SYK: variants seen among roughly 807,000 people sequenced by gnomAD.
The protein encoded by SYK is spleen associated tyrosine kinase, also known as tyrosine-protein kinase SYK.
A neutral mutation model predicts 77.8 loss-of-function variants in SYK; 16 were observed. The observed-to-expected ratio is 0.21, with a 90% CI of 0.14 to 0.31. The LOEUF (loss-of-function observed/expected upper bound fraction) is 0.31, where lower values mean the gene tolerates loss of function less well. Ranked by LOEUF, SYK falls within the 10% of genes least tolerant of loss-of-function variation. The pLI is 1.00. For missense variants in SYK, 529 were observed against 814.4 expected (o/e 0.65, Z 4.26); for synonymous variants, 312 against 308.7 (o/e 1.01, Z -0.11).
intron 1 of SYK, among the ~76,000 whole-genome samples, chr9:90,806,912 G>A (rs927640353): frequency 6.8e-6 from 1 of 146,810 alleles, no homozygotes; most frequent in Non-Finnish European, 1.5e-5. Context: ...TTGTGGAAAT[G>A]GAGATCTCAT....
intron 13 of SYK, among the ~76,000 whole-genome samples, chr9:90,890,973 C>T (rs532618946): frequency 1.3e-5 from 2 of 152,124 alleles, no homozygotes; most frequent in African/African-American, 2.4e-5. Flanking sequence ...CTTCCGGCTC[C>T]GTGTGGAAAT....
At chr9:90,801,733 C>T (rs1187117368), upstream of SYK, 1 of 152,186 alleles carries the variant, frequency 6.6e-6, no homozygotes, top group Non-Finnish European at 1.5e-5. Flanking sequence ...GGGCGCGACA[C>T]TGGGAGGAAG....
At chr9:90,865,612 C>T (rs1381961927) in intron 6 of SYK, among the ~76,000 whole-genome samples, 1 of 152,058 alleles carries the variant, frequency 6.6e-6, no homozygotes, top group East Asian at 1.9e-4. Flanking sequence ...CTCTGCCTAG[C>T]CACATTTTCT....
At position 90,874,903 on chromosome 9, in the gene SYK, A is replaced by G. The variant is rs1359760274; in HGVS notation, c.1181+54A>G. On this transcript the variant is annotated intron_variant, in intron 9 of 13. Coordinates refer to ENST00000375754, the MANE Select transcript of SYK (RefSeq NM_003177.7). ...CCTCACATGAGCTCAGGTTCTAGACATGACTGAGAATAACAAAATGTAACC... is the reference window on the plus strand; with the variant it reads ...CCTCACATGAGCTCAGGTTCTAGACGTGACTGAGAATAACAAAATGTAACC... The G allele has an allele frequency of 2.7e-5, 43 of 1,580,440 alleles. No homozygotes were observed. The East Asian group carries it at 7.0e-4, about 26-fold the overall frequency.
rs972517998 is a variant in SYK at position 90,895,945 on chromosome 9, G to A, written c.*345G>A. 5.9e-6 allele frequency: 2 copies of A among 336,276 alleles called. No homozygotes were observed. Among genetic ancestry groups the A allele is most frequent in the Admixed American group, 8.4e-5 (2 of 23,748 alleles). 20.8% of individuals were successfully genotyped at this position (336,276 alleles called of 1,614,324 possible). A position where few individuals can be genotyped will look rare whatever the true frequency, so the allele number is the denominator to read the frequency against. On this transcript the variant is annotated 3_prime_UTR_variant, in exon 14 of 14. Transcript: ENST00000375754. The surrounding 1 kb of genome is among the most constrained non-coding windows in gnomAD (Gnocchi z 4.4). The stretch of plus-strand genomic sequence containing the variant: ...TCCCGGGGTGCATTTGTTACTCATC[G>A]GGCCCAGGGACATTGCAGAGTGGCC...
intron 10 of SYK, 64 bp from the exon 11 acceptor site, chr9:90,878,700 A>C (rs1308470203): frequency 1.4e-6 from 2 of 1,408,692 alleles, no homozygotes; most frequent in Non-Finnish European, 9.9e-7. Flanking sequence ...CGTGAGGAGC[A>C]TGGTTGTTTG....
intron 7 of SYK, among the ~76,000 whole-genome samples, chr9:90,869,090 G>T (rs1379769118): frequency 6.6e-6 from 1 of 152,122 alleles, no homozygotes; most frequent in Non-Finnish European, 1.5e-5. Flanking sequence ...TACAGAAAAT[G>T]CTGGCAATGC....
At chr9:90,827,299 C>G (rs1825696204) in intron 1 of SYK, among the ~76,000 whole-genome samples, 1 of 152,072 alleles carries the variant, frequency 6.6e-6, no homozygotes, top group African/African-American at 2.4e-5. Context: ...TTTGAATGTG[C>G]AATTAAAAGA....
chr9:90,813,282 T>A (rs1001881192), intron 1 of SYK, among the ~76,000 whole-genome samples: 6 of 152,056 alleles, frequency 3.9e-5, no homozygotes, highest in African/African-American at 9.7e-5. Context: ...TGTGAGTCAT[T>A]AGGGGATGGG....
intron 3 of SYK, among the ~76,000 whole-genome samples, chr9:90,847,869 G>A (rs540566086): frequency 6.6e-6 from 1 of 152,324 alleles, no homozygotes; most frequent in African/African-American, 2.4e-5. Context: ...TCCATCATGA[G>A]CACCAGGAAA....
At chr9:90,838,970 C>T (rs550363103) in intron 1 of SYK, among the ~76,000 whole-genome samples, 9 of 152,278 alleles carry the variant, frequency 5.9e-5, no homozygotes, top group African/African-American at 2.2e-4. Flanking sequence ...ATGCCACAGC[C>T]GTGGCCAAGA....
At chr9:90,842,095 A>AGTGTGTG (rs1554708430) in intron 1 of SYK, among the ~76,000 whole-genome samples, 1 of 98,282 alleles carries the variant, frequency 1.0e-5, no homozygotes, top group Non-Finnish European at 2.3e-5. Context: ...TGGTGTGTGT[A>AGTGTGTG]GTGTGTGTAG....
chr9:90,882,776 C>T (rs543051928), intron 11 of SYK, among the ~76,000 whole-genome samples: 2 of 152,170 alleles, frequency 1.3e-5, no homozygotes, highest in East Asian at 1.9e-4. Flanking sequence ...AACCAAGGAG[C>T]GACAGGAAGC....
intron 1 of SYK, among the ~76,000 whole-genome samples, chr9:90,820,808 A>T (rs893727601): frequency 6.6e-6 from 1 of 151,480 alleles, no homozygotes; most frequent in African/African-American, 2.4e-5. Flanking sequence ...CAGAAAATGG[A>T]TATTTCTTTT....
chr9:90,895,501 A>C lies in SYK; in HGVS notation c.1836-27A>C, dbSNP rs553039719. The C allele has an allele frequency of 4.3e-6, 7 of 1,613,230 alleles. 1 individual carries two copies. The South Asian group carries it at 6.6e-5, about 15-fold the overall frequency. On this transcript the variant is annotated intron_variant, in intron 13 of 13. Coordinates refer to ENST00000375754, the MANE Select transcript of SYK (RefSeq NM_003177.7). The surrounding 1 kb of genome is among the most constrained non-coding windows in gnomAD (Gnocchi z 4.4). ...GCAATTTTTCACAAGCACATTGACA[A>C]ACAAGAATGCATCTCTTCCATTCCA...
At position 90,844,234 on chromosome 9, in the gene SYK, G is replaced by A. The variant is rs143342183; in HGVS notation, c.336G>A (p.Gly112=). The change falls in exon 2 of 14, where the codon GGG becomes GGA. Residue 112 remains glycine (G), a synonymous_variant. Coordinates refer to ENST00000375754, the MANE Select transcript of SYK (RefSeq NM_003177.7). ...AGAAGCCCTTCAACCGGCCCCAAGG[G>A]GTGCAGCCCAAGACTGGGCCCTTTG... ...LLKKPFNRPQ[G]VQPKTGPFED... The A allele has an allele frequency of 3.6e-5, 58 of 1,614,068 alleles. No individual in the cohort carries two copies. The African/African-American group carries it at 7.5e-4, about 21-fold the overall frequency.
chr9:90,876,410 C>G (rs1218474946), intron 9 of SYK, among the ~76,000 whole-genome samples: 1 of 152,038 alleles, frequency 6.6e-6, no homozygotes. Context: ...TATGTATACA[C>G]ACACAAACAT....
chr9:90,885,161 C>T (rs1274211276), intron 11 of SYK, among the ~76,000 whole-genome samples: 1 of 151,474 alleles, frequency 6.6e-6, no homozygotes, highest in African/African-American at 2.4e-5. Flanking sequence ...ACACAATTCT[C>T]CAGCAAAAAA....
chr9:90,885,492 A>T (rs1828529632), intron 11 of SYK, among the ~76,000 whole-genome samples: 2 of 152,202 alleles, frequency 1.3e-5, no homozygotes, highest in South Asian at 4.1e-4. Flanking sequence ...AAATAAAGAG[A>T]AAAGAATAAA....
Sources: gnomAD v4.1 joint callset for allele counts (sites outside exome capture counted in the v4.1 genomes callset) on GRCh38, gnomAD v4.1.1 for gene constraint, Gnocchi (gnomAD v3.1) non-coding constraint, MANE v1.5 for transcripts, NCBI Gene and HGNC (gene_info 2026-07-23, HGNC 2026-07-21) for gene names.